Variants in ZNF716 observed in about 807,000 individuals in gnomAD.
ZNF716 encodes the protein zinc finger protein 716.
In ZNF716, 9 loss-of-function variants were observed where a neutral mutation model predicts 13.4. The ratio of observed to expected loss-of-function variants is 0.67; its 90% CI spans 0.41 to 1.18. The LOEUF (loss-of-function observed/expected upper bound fraction) is 1.18. ZNF716 is among the 50% of genes most tolerant of loss of function. The pLI, the probability that ZNF716 is intolerant of heterozygous loss-of-function variation, is 0.01. For synonymous variants in ZNF716, 186 were observed against 195.2 expected, an observed-to-expected ratio of 0.95 and a Z score of 0.39; for missense variants, 581 against 576.6, an observed-to-expected ratio of 1.01 and a Z score of -0.08.
chr7:57,469,448 T>G lies in ZNF716; in HGVS notation c.987T>G (p.Cys329Trp). Reference protein sequence around the residue: ...TGERPYKCEECGKAFSLSSTL... With the variant: ...TGERPYKCEEWGKAFSLSSTL... The stretch of plus-strand genomic sequence containing the variant: ...AGAGACCCTACAAATGTGAAGAATG[T>G]GGCAAAGCCTTTAGCTTATCCTCAA... The change falls in exon 4 of 4, where the codon TGT (cysteine) becomes TGG (tryptophan). Residue 329 changes from cysteine to tryptophan, a missense_variant. Cys to Trp is a radical substitution (Grantham distance 215, BLOSUM62 -2). Coordinates refer to ENST00000420713, the MANE Select transcript of ZNF716 (RefSeq NM_001159279.1). 6.2e-7 allele frequency: 1 copy of G among 1,613,924 alleles called. No homozygotes were observed. Among genetic ancestry groups the G allele is most frequent in the Non-Finnish European group, 8.5e-7 (1 of 1,179,940 alleles).
intron 3 of ZNF716, among the ~76,000 whole-genome samples, chr7:57,468,415 A>G (rs1789851736): frequency 6.6e-6 from 1 of 152,156 alleles, no homozygotes; most frequent in African/African-American, 2.4e-5. Context: ...TAAAGACACC[A>G]TGTTCTTCTA....
Position 57,469,884 on chromosome 7 carries a change from T to C in ZNF716, c.1423T>C (p.Trp475Arg). The C allele has an allele frequency of 6.3e-7, 1 of 1,594,438 alleles. No individual in the cohort carries two copies. Among genetic ancestry groups the C allele is most frequent in the Non-Finnish European group, 8.6e-7 (1 of 1,169,494 alleles). The change falls in exon 4 of 4, where the codon TGG becomes CGG. Residue 475 changes from tryptophan (W) to arginine (R), a missense_variant. By Grantham distance (101) the Trp-to-Arg change is moderately radical (BLOSUM62 -3). Coordinates refer to ENST00000420713, the MANE Select transcript of ZNF716 (RefSeq NM_001159279.1). ...KCEECDQTFK[W>R]HSSLANHKNM... ...TGAAGAATGTGACCAAACTTTTAAG[T>C]GGCATTCAAGTCTTGCTAATCATAA...
Position 57,450,184 on chromosome 7 carries a change from C to G in ZNF716, c.-105C>G. 1 of 1,547,054 alleles carries G rather than the reference C, an allele frequency of 6.5e-7. No homozygotes were observed. The highest frequency in any genetic ancestry group is 2.4e-5 in the East Asian group (1 of 42,506). ...TCCGTAAGGTTACGGGTTCTTTTTG[C>G]TTCTCTGCGCCCAGAGCTCCAGTCC... On this transcript the variant is annotated 5_prime_UTR_variant, in exon 1 of 4. Coordinates refer to ENST00000420713, the MANE Select transcript of ZNF716 (RefSeq NM_001159279.1).
chr7:57,469,996 A>C lies in ZNF716; in HGVS notation c.*47A>C, dbSNP rs782755792. On this transcript the variant is annotated 3_prime_UTR_variant, in exon 4 of 4. Coordinates refer to ENST00000420713, the MANE Select transcript of ZNF716 (RefSeq NM_001159279.1). ...GGCCTTATAATACATAAAATAATTT[A>C]TACTGGAAAAAATCACTACAAGTGT... 6.8e-7 allele frequency: 1 copy of C among 1,461,206 alleles called. No homozygotes were observed. The highest frequency in any genetic ancestry group is 9.1e-7 in the Non-Finnish European group (1 of 1,104,236). 90.5% of individuals were successfully genotyped at this position (1,461,206 alleles called of 1,614,324 possible).
At position 57,462,955 on chromosome 7, in the gene ZNF716, G is replaced by T. The variant is rs10225979; in HGVS notation, c.167-118G>T. On this transcript the variant is annotated intron_variant, in intron 2 of 3. Coordinates refer to ENST00000420713, the MANE Select transcript of ZNF716 (RefSeq NM_001159279.1). ...CTAAATAGCTACAAAGATCTGTTAC[G>T]AATCAATCTTAATTTTCTAGAATTT... 2.5e-3 allele frequency: 3,406 copies of T among 1,366,156 alleles called. 71 individuals are homozygous for T. In the African/African-American group the frequency reaches 0.043, roughly 17 times the overall value. The allele number at this position is 1,366,156 out of a possible 1,614,324, so 84.6% of individuals were successfully genotyped here. A position where few individuals can be genotyped will look rare whatever the true frequency, so the allele number is the denominator to read the frequency against.
chr7:57,469,539 G>T lies in ZNF716; in HGVS notation c.1078G>T (p.Ala360Ser). ...KLYTCEECGK[A>S]FTFSSTLNTH... is the part of the protein sequence containing the mutation. The stretch of plus-strand genomic sequence containing the variant: ...CTACACATGTGAAGAATGTGGGAAA[G>T]CCTTTACCTTCTCCTCAACTCTAAA... Residue 360 changes from alanine to serine, a missense_variant, in exon 4 of 4, where the codon GCC becomes TCC. Transcript: ENST00000420713. 6.2e-7 allele frequency: 1 copy of T among 1,610,306 alleles called. No individual in the cohort carries two copies. Among genetic ancestry groups the T allele is most frequent in the East Asian group, 2.2e-5 (1 of 44,642 alleles).
At chr7:57,461,926 G>A (rs1554323158) in intron 1 of ZNF716, among the ~76,000 whole-genome samples, 1 of 152,118 alleles carries the variant, frequency 6.6e-6, no homozygotes. Context: ...TTGGGAGGCC[G>A]AGGTGGGTGG....
At chr7:57,457,119 A>G (rs1186708413) in intron 1 of ZNF716, among the ~76,000 whole-genome samples, 1 of 152,114 alleles carries the variant, frequency 6.6e-6, no homozygotes, top group African/African-American at 2.4e-5. Flanking sequence ...AAATCCCACC[A>G]AAGTGCCTAC....
rs1789983512 is a variant in ZNF716 at position 57,473,401 on chromosome 7, T to A, written c.*3452T>A. On this transcript the variant is annotated 3_prime_UTR_variant, in exon 4 of 4. Transcript: ENST00000420713. Reference sequence around the variant, plus strand: ...TGGGCATGGTGGTGCATGCCCATGGTCCCAGTTACTCAGGAGGCTGAGGCA... The same window carrying A: ...TGGGCATGGTGGTGCATGCCCATGGACCCAGTTACTCAGGAGGCTGAGGCA... 6.6e-6 allele frequency: 1 copy of A among 152,160 alleles called. No homozygotes were observed. The highest frequency in any genetic ancestry group is 1.5e-5 in the Non-Finnish European group (1 of 68,072). The allele number at this position is 152,160 out of a possible 1,614,324, so 9.4% of individuals were successfully genotyped here.
At position 57,468,587 on chromosome 7, in the gene ZNF716, A is replaced by C. The variant is rs188080717; in HGVS notation, c.263-137A>C. On this transcript the variant is annotated intron_variant, in intron 3 of 3. Coordinates refer to ENST00000420713, the MANE Select transcript of ZNF716 (RefSeq NM_001159279.1). Reference sequence around the variant, plus strand: ...ACTATTTTGTTACATTTATACATCTATGAAGGAATTACGGCTTGTGGTATT... The same window carrying C: ...ACTATTTTGTTACATTTATACATCTCTGAAGGAATTACGGCTTGTGGTATT... 3 of 864,892 alleles carry C rather than the reference A, an allele frequency of 3.5e-6. No homozygotes were observed. In the Admixed American group the frequency reaches 9.3e-5, roughly 27 times the overall value. The allele number at this position is 864,892 out of a possible 1,614,324, so 53.6% of individuals were successfully genotyped here.
At position 57,469,194 on chromosome 7, in the gene ZNF716, G is replaced by C; in HGVS notation, c.733G>C (p.Glu245Gln). ...HTGEKPYRCE[E>Q]CGKAFSWSAS... The stretch of plus-strand genomic sequence containing the variant: ...TGGAGAGAAACCCTACAGATGTGAG[G>C]AATGTGGCAAAGCTTTTAGCTGGTC... Residue 245 changes from glutamate to glutamine, a missense_variant, in exon 4 of 4, where the codon GAA (glutamate) becomes CAA (glutamine). Physicochemically the swap from Glu to Gln is conservative, Grantham distance 29. Coordinates refer to ENST00000420713, the MANE Select transcript of ZNF716 (RefSeq NM_001159279.1). 3.1e-6 allele frequency: 5 copies of C among 1,612,592 alleles called. No homozygotes were observed. The highest frequency in any genetic ancestry group is 4.2e-6 in the Non-Finnish European group (5 of 1,179,276).
intron 1 of ZNF716, among the ~76,000 whole-genome samples, chr7:57,461,932 G>A (rs1554323160): frequency 6.6e-6 from 1 of 152,066 alleles, no homozygotes; most frequent in Non-Finnish European, 1.5e-5. Flanking sequence ...GGCCGAGGTG[G>A]GTGGATCACC....
rs1346099066 is a variant in ZNF716, at chr7:57,468,939, CAT to C, written c.480_481del (p.His160GlnfsTer8). ...SATQNKTFQT[H>X]KCVKVFGKFS... ...TACCCAAAACAAAACATTTCAGACT[CAT>C]AAATGCGTCAAAGTCTTTGGTAAAT... is the stretch of plus-strand genomic sequence containing the variant. On this transcript the variant is annotated frameshift_variant, in exon 4 of 4. Transcript: ENST00000420713. LOFTEE classifies it low-confidence loss of function (END_TRUNC). 1 of 1,611,044 alleles carries C rather than the reference CAT, an allele frequency of 6.2e-7. No homozygotes were observed. Among genetic ancestry groups the C allele is most frequent in the African/African-American group, 1.3e-5 (1 of 74,882 alleles).
intron 1 of ZNF716, among the ~76,000 whole-genome samples, chr7:57,450,602 T>G (rs1394777004): frequency 6.6e-6 from 1 of 152,032 alleles, no homozygotes; most frequent in Non-Finnish European, 1.5e-5. Flanking sequence ...GCGCCTCATC[T>G]CACCCAGACT....
chr7:57,462,376 A>C (rs782125877), intron 1 of ZNF716, 84 bp from the exon 2 acceptor site: 2 of 1,494,926 alleles, frequency 1.3e-6, no homozygotes, highest in Non-Finnish European at 1.8e-6. Context: ...ACATGAGTCA[A>C]ATAAAAATCT....
chr7:57,467,618 G>A (rs868922503), intron 3 of ZNF716, among the ~76,000 whole-genome samples: 4 of 151,808 alleles, frequency 2.6e-5, no homozygotes, highest in Admixed American at 1.3e-4. Context: ...AATACCTCAC[G>A]TTTATCTTGC....
At chr7:57,462,222 A>G (rs1212425623) in intron 1 of ZNF716, among the ~76,000 whole-genome samples, 6 of 151,996 alleles carry the variant, frequency 3.9e-5, no homozygotes, top group African/African-American at 1.4e-4. Flanking sequence ...TCACCCAGAA[A>G]AGTATCATAT....
intron 1 of ZNF716, among the ~76,000 whole-genome samples, chr7:57,452,569 C>T (rs578081136): frequency 9.2e-5 from 14 of 152,032 alleles, no homozygotes; most frequent in South Asian, 2.1e-4. Flanking sequence ...ACCCAGGAGA[C>T]GGAGGTTGCA....
rs1437187301 is a variant in ZNF716 at position 57,469,489 on chromosome 7, A to C, written c.1028A>C (p.Lys343Thr). Residue 343 changes from lysine to threonine, a missense_variant, in exon 4 of 4, where the codon AAG becomes ACG. Coordinates refer to ENST00000420713, the MANE Select transcript of ZNF716 (RefSeq NM_001159279.1). ...FSLSSTLKKHKIVHTGEKLYT... is the reference protein window; with the variant it reads ...FSLSSTLKKHTIVHTGEKLYT... ...TTATCCTCAACCCTTAAGAAACATA[A>C]GATAGTTCATACTGGGGAGAAACTC... The C allele has an allele frequency of 6.2e-7, 1 of 1,613,016 alleles. No homozygotes were observed.
Sources: gnomAD v4.1 joint callset for allele counts (sites outside exome capture counted in the v4.1 genomes callset) on GRCh38, gnomAD v4.1.1 for gene constraint, MANE v1.5 for transcripts, NCBI Gene and HGNC (gene_info 2026-07-23, HGNC 2026-07-21) for gene names.